The following PPARGC1B variants were observed in gnomAD, a reference collection of about 807,000 sequenced individuals.
The protein encoded by PPARGC1B is PPARG coactivator 1 beta, also known as peroxisome proliferator-activated receptor gamma coactivator 1-beta.
Under a neutral mutation model 101.6 loss-of-function variants are expected in PPARGC1B, and 34 were observed. The observed-to-expected ratio is 0.33, with a 90% CI of 0.25 to 0.45. The LOEUF is 0.45. Ranked by LOEUF, PPARGC1B falls within the 20% of genes least tolerant of loss-of-function variation. The pLI is 1.00. For synonymous variants in PPARGC1B, 548 were observed against 539.3 expected (o/e 1.02, Z -0.22); for missense variants, 1,234 against 1,317.6 (o/e 0.94, Z 0.98).
chr5:149,837,060 C>A lies in PPARGC1B; in HGVS notation c.2605C>A (p.Arg869=), dbSNP rs1313967756. The part of the protein sequence containing the change: ...SPCHSWSPAT[R]RNFRCESRGP... ...CTGCCACTCCTGGTCACCAGCCACTCGAAGGAACTTCAGGTATGAACAGGG... is the reference window on the plus strand; with the variant it reads ...CTGCCACTCCTGGTCACCAGCCACTAGAAGGAACTTCAGGTATGAACAGGG... Residue 869 remains arginine (R), a synonymous_variant, in exon 8 of 12, where the codon CGA becomes AGA. Transcript: ENST00000309241. This position sits in a 1 kb window ranked among gnomAD's most constrained non-coding sequence, Gnocchi z 4.2. 2 of 1,612,484 alleles carry A rather than the reference C, an allele frequency of 1.2e-6. No homozygotes were observed. Among genetic ancestry groups the A allele is most frequent in the Non-Finnish European group, 1.7e-6 (2 of 1,179,500 alleles).
At chr5:149,752,390 C>T (rs1416045022) in intron 1 of PPARGC1B, among the ~76,000 whole-genome samples, 2 of 152,206 alleles carry the variant, frequency 1.3e-5, no homozygotes, top group Non-Finnish European at 2.9e-5. Context: ...GTGGGGCTCA[C>T]GCAGAGCAAG....
intron 1 of PPARGC1B, chr5:149,732,884 A>C (rs1294539702): frequency 8.6e-6 from 4 of 466,266 alleles, no homozygotes; most frequent in African/African-American, 8.0e-5. Flanking sequence ...TTGGAGTCAG[A>C]AGGCCTGAGT....
intron 1 of PPARGC1B, among the ~76,000 whole-genome samples, chr5:149,762,156 T>G (rs11167479): frequency 0.023 from 1,043 of 45,590 alleles, 6 homozygotes; most frequent in Non-Finnish European, 0.041. Context: ...ATCCCATGGG[T>G]TTTTTTTTTT....
At chr5:149,825,594 C>G (rs1758483726) in intron 2 of PPARGC1B, among the ~76,000 whole-genome samples, 2 of 152,248 alleles carry the variant, frequency 1.3e-5, no homozygotes, top group African/African-American at 4.8e-5. Context: ...TTTTCTCCAT[C>G]ATGGCTTCCT....
At chr5:149,743,906 G>C (rs758846344) in intron 1 of PPARGC1B, among the ~76,000 whole-genome samples, 1 of 152,214 alleles carries the variant, frequency 6.6e-6, no homozygotes, top group Non-Finnish European at 1.5e-5. Flanking sequence ...GCCTCAACTG[G>C]GGAGGGGCTC....
intron 1 of PPARGC1B, among the ~76,000 whole-genome samples, chr5:149,732,045 GGTGTGTGTGT>G (rs3042304): frequency 5.6e-4 from 83 of 149,102 alleles, no homozygotes; most frequent in East Asian, 1.6e-3. Context: ...TGCGCGCGCG[GGTGTGTGTGT>G]GTGTGTGTGT....
chr5:149,736,973 G>A (rs1028323320), intron 1 of PPARGC1B, among the ~76,000 whole-genome samples: 7 of 152,104 alleles, frequency 4.6e-5, no homozygotes, highest in Non-Finnish European at 7.3e-5. Context: ...GGTTCACTCC[G>A]TGGGTTTGGA....
At chr5:149,757,275 C>T (rs896717286) in intron 1 of PPARGC1B, among the ~76,000 whole-genome samples, 8 of 149,644 alleles carry the variant, frequency 5.3e-5, no homozygotes, top group African/African-American at 1.9e-4. Flanking sequence ...TGTCATTCGT[C>T]ATAAAGTACA....
intron 1 of PPARGC1B, among the ~76,000 whole-genome samples, chr5:149,775,104 G>A (rs899233340): frequency 6.6e-6 from 1 of 152,086 alleles, no homozygotes; most frequent in African/African-American, 2.4e-5. Flanking sequence ...GGGTGGAGTA[G>A]GGCAGCTCCC....
rs369333026 is a variant in PPARGC1B, at chr5:149,770,067, C to T, written c.78+39647C>T. On this transcript the variant is annotated intron_variant, in intron 1 of 11. Transcript: ENST00000309241. ...GGTGGTGCACTCATCATCTCCAGAG[C>T]CCCCTCACCTCTGCAGCAGCCAGTC... 2.4e-3 allele frequency among the ~76,000 whole-genome samples: 360 copies of T among 152,230 alleles called. 1 individual carries two copies. Among genetic ancestry groups the T allele is most frequent in the African/African-American group, 8.1e-3 (338 of 41,532 alleles).
chr5:149,773,393 C>T (rs1358574217), intron 1 of PPARGC1B, among the ~76,000 whole-genome samples: 3 of 152,250 alleles, frequency 2.0e-5, no homozygotes, highest in African/African-American at 7.2e-5. Flanking sequence ...TGGCAGCTGA[C>T]CCTCCTCAGC....
At chr5:149,755,482 T>C (rs11738167) in intron 1 of PPARGC1B, among the ~76,000 whole-genome samples, 17,385 of 152,114 alleles carry the variant, frequency 0.11, 1,319 homozygotes, top group Admixed American at 0.23. Context: ...ATCTCAGTTC[T>C]GCTAGCTGTT....
rs1759519637 is a variant in PPARGC1B at position 149,845,653 on chromosome 5, T to C, written c.2817-107T>C. On this transcript the variant is annotated intron_variant, in intron 10 of 11. Transcript: ENST00000309241. Reference sequence around the variant, plus strand: ...TCTCTATCTAGGGGGCCACGTGATGTGGGTATCGAATCACTGTGGCAGTCG... The same window carrying C: ...TCTCTATCTAGGGGGCCACGTGATGCGGGTATCGAATCACTGTGGCAGTCG... 2.0e-5 allele frequency: 24 copies of C among 1,189,980 alleles called. No homozygotes were observed. The South Asian group carries it at 3.6e-4, about 18-fold the overall frequency. 73.7% of individuals were successfully genotyped at this position (1,189,980 alleles called of 1,614,324 possible).
chr5:149,772,393 G>A (rs1284596908), intron 1 of PPARGC1B, among the ~76,000 whole-genome samples: 3 of 152,158 alleles, frequency 2.0e-5, no homozygotes, highest in Non-Finnish European at 2.9e-5. Flanking sequence ...GGCTGAGGAG[G>A]CTGCATGGTG....
chr5:149,765,340 G>A (rs1394674502), intron 1 of PPARGC1B, among the ~76,000 whole-genome samples: 1 of 152,190 alleles, frequency 6.6e-6, no homozygotes, highest in African/African-American at 2.4e-5. Context: ...CTCTCTCCAG[G>A]ACCCCGAGCT....
At chr5:149,824,509 C>T (rs1758428178) in intron 2 of PPARGC1B, among the ~76,000 whole-genome samples, 1 of 152,138 alleles carries the variant, frequency 6.6e-6, no homozygotes, top group Non-Finnish European at 1.5e-5. Context: ...GGAAGGCTGG[C>T]CAGGGATCAT....
At chr5:149,742,812 C>G (rs1016969931) in intron 1 of PPARGC1B, among the ~76,000 whole-genome samples, 2 of 152,174 alleles carry the variant, frequency 1.3e-5, no homozygotes, top group African/African-American at 4.8e-5. Flanking sequence ...GCACATGGTC[C>G]TAACAATTGC....
Position 149,833,489 on chromosome 5 carries a change from T to C in PPARGC1B, c.1416T>C (p.Ser472=). ...WTKLGRKLES[S]VCPVRRSRRL... ...AGCTGGGGAGGAAGCTGGAGAGCTC[T>C]GTGTGCCCCGTGCGGCGTTCTCGGA... The change falls in exon 5 of 12, where the codon TCT becomes TCC. Residue 472 remains serine (S), a synonymous_variant. Transcript: ENST00000309241. This position sits in a 1 kb window ranked among gnomAD's most constrained non-coding sequence, Gnocchi z 4.1. 2 of 1,565,902 alleles carry C rather than the reference T, an allele frequency of 1.3e-6. No homozygotes were observed. Among genetic ancestry groups the C allele is most frequent in the South Asian group, 2.3e-5 (2 of 85,770 alleles).
intron 1 of PPARGC1B, among the ~76,000 whole-genome samples, chr5:149,778,755 G>A (rs1459227929): frequency 6.6e-6 from 1 of 152,132 alleles, no homozygotes; most frequent in African/African-American, 2.4e-5. Context: ...ATCTGTCACT[G>A]CTTGGCTGTG....
Sources: gnomAD v4.1 joint callset for allele counts (sites outside exome capture counted in the v4.1 genomes callset) on GRCh38, gnomAD v4.1.1 for gene constraint, Gnocchi (gnomAD v3.1) non-coding constraint, MANE v1.5 for transcripts, NCBI Gene and HGNC (gene_info 2026-07-23, HGNC 2026-07-21) for gene names.